Variants in CFAP299 observed in about 807,000 individuals in gnomAD.
The protein encoded by CFAP299 is cilia and flagella associated protein 299.
In CFAP299, 21 loss-of-function variants were observed where a neutral mutation model predicts 27.0. The observed-to-expected ratio is 0.78, with a 90% CI of 0.55 to 1.12. The LOEUF (loss-of-function observed/expected upper bound fraction) is 1.12, where lower values mean the gene tolerates loss of function less well. Among genes scored for constraint, CFAP299 ranks in the 50% most tolerant of loss-of-function variants. The probability of loss-of-function intolerance (pLI) is 0.00; values close to 1 mark genes in which losing one functional copy is unlikely to be tolerated. For missense variants in CFAP299, 310 were observed against 276.6 expected (o/e 1.12, Z -0.86); for synonymous variants, 104 against 98.1 (o/e 1.06, Z -0.36).
At chr4:80,448,901 T>G (rs1190085511) in intron 2 of CFAP299, among the ~76,000 whole-genome samples, 1 of 152,180 alleles carries the variant, frequency 6.6e-6, no homozygotes, top group Non-Finnish European at 1.5e-5. Flanking sequence ...GATGAGGTAG[T>G]TATAGATCTT....
rs141078307 is a variant in CFAP299 at position 80,486,118 on chromosome 4, ATGAC to A, written c.243-96973_243-96970del. 1.8e-3 allele frequency among the ~76,000 whole-genome samples: 270 copies of A among 152,198 alleles called. 2 individuals carry two copies. The East Asian group carries it at 0.026, about 15-fold the overall frequency. ...CTGAAATTCTAACCTAGCCACATGAATGACTATTAAGTTCTGCTTGCTTGGTCTT... is the reference window on the plus strand; with the variant it reads ...CTGAAATTCTAACCTAGCCACATGAATATTAAGTTCTGCTTGCTTGGTCTT... On this transcript the variant is annotated intron_variant, in intron 2 of 5. Transcript: ENST00000358105.
At chr4:80,384,676 T>A (rs1484221876) in intron 2 of CFAP299, among the ~76,000 whole-genome samples, 1 of 152,120 alleles carries the variant, frequency 6.6e-6, no homozygotes, top group Non-Finnish European at 1.5e-5. Context: ...GGAAGGAAAT[T>A]GTTCCGAAAA....
intron 4 of CFAP299, among the ~76,000 whole-genome samples, chr4:80,877,731 A>C (rs902816287): frequency 6.6e-6 from 1 of 152,194 alleles, no homozygotes; most frequent in African/African-American, 2.4e-5. Context: ...GAGTGACATT[A>C]AATACATTCA....
chr4:80,887,422 G>A (rs773801829), intron 4 of CFAP299, among the ~76,000 whole-genome samples: 3 of 151,294 alleles, frequency 2.0e-5, no homozygotes, highest in Non-Finnish European at 2.9e-5. Flanking sequence ...GGATAGAGTG[G>A]TATGACATAT....
intron 2 of CFAP299, among the ~76,000 whole-genome samples, chr4:80,470,285 T>A (rs1193802140): frequency 6.6e-6 from 1 of 152,122 alleles, no homozygotes; most frequent in Non-Finnish European, 1.5e-5. Context: ...AGATGATGTA[T>A]ACAAAATTTT....
chr4:80,682,067 A>T (rs968054276), intron 3 of CFAP299, among the ~76,000 whole-genome samples: 1 of 152,190 alleles, frequency 6.6e-6, no homozygotes, highest in Non-Finnish European at 1.5e-5. Flanking sequence ...TCAGTGGTAT[A>T]TACAGCAAAG....
intron 3 of CFAP299, among the ~76,000 whole-genome samples, chr4:80,683,001 T>C (rs1012882087): frequency 2.6e-5 from 4 of 152,200 alleles, no homozygotes; most frequent in Admixed American, 6.5e-5. Context: ...GTAAGGGTCA[T>C]TGATTAATTG....
At chr4:80,635,360 C>T (rs773378939) in intron 3 of CFAP299, among the ~76,000 whole-genome samples, 53 of 152,236 alleles carry the variant, frequency 3.5e-4, no homozygotes, top group Non-Finnish European at 4.3e-4. Flanking sequence ...ACAAAACCTT[C>T]CTATCACAAA....
At chr4:80,870,308 T>C in intron 4 of CFAP299, 173 bp downstream of exon 4, 1 of 1,255,408 alleles carries the variant, frequency 8.0e-7, no homozygotes, top group Non-Finnish European at 1.0e-6. Flanking sequence ...ATGCATTGTT[T>C]TTCCTTTAAC....
intron 3 of CFAP299, among the ~76,000 whole-genome samples, chr4:80,754,274 T>C (rs1725104902): frequency 6.6e-6 from 1 of 152,188 alleles, no homozygotes; most frequent in African/African-American, 2.4e-5. Flanking sequence ...TTTGTTTCAA[T>C]ATCTGCTCCA....
At chr4:80,594,949 T>C (rs1736985111) in intron 3 of CFAP299, among the ~76,000 whole-genome samples, 1 of 152,194 alleles carries the variant, frequency 6.6e-6, no homozygotes, top group South Asian at 2.1e-4. Context: ...TTTCCATTAG[T>C]CAGAGGCCCT....
chr4:80,515,567 A>G (rs775694186), intron 2 of CFAP299, among the ~76,000 whole-genome samples: 4 of 152,194 alleles, frequency 2.6e-5, no homozygotes, highest in Non-Finnish European at 5.9e-5. Context: ...CAACAATTAA[A>G]ACACAGAATT....
chr4:80,800,960 A>G (rs1728554741), intron 3 of CFAP299, among the ~76,000 whole-genome samples: 1 of 151,266 alleles, frequency 6.6e-6, no homozygotes, highest in Non-Finnish European at 1.5e-5. Context: ...AGAAAGATGT[A>G]GATCAGTCTA....
intron 3 of CFAP299, among the ~76,000 whole-genome samples, chr4:80,591,913 G>A (rs776859582): frequency 6.6e-6 from 1 of 152,156 alleles, no homozygotes; most frequent in Non-Finnish European, 1.5e-5. Context: ...AACAAAGAGA[G>A]AATAATCATT....
chr4:80,711,224 G>C (rs13114016), intron 3 of CFAP299, among the ~76,000 whole-genome samples: 4 of 152,186 alleles, frequency 2.6e-5, no homozygotes, highest in African/African-American at 9.7e-5. Context: ...AAGCAGGGGA[G>C]AGCCGGCTGT....
intron 1 of CFAP299, chr4:80,336,788 C>G (rs1271393881): frequency 6.6e-6 from 1 of 152,268 alleles, no homozygotes; most frequent in Non-Finnish European, 1.5e-5. Flanking sequence ...CCAGAAATGC[C>G]TTATCCCTAT....
chr4:80,469,775 G>A (rs1049833140), intron 2 of CFAP299, among the ~76,000 whole-genome samples: 1 of 151,708 alleles, frequency 6.6e-6, no homozygotes, highest in African/African-American at 2.4e-5. Context: ...TAAGATTCTC[G>A]GGGCTGAATT....
intron 4 of CFAP299, among the ~76,000 whole-genome samples, chr4:80,930,883 A>G (rs750927460): frequency 6.6e-6 from 1 of 151,914 alleles, no homozygotes; most frequent in African/African-American, 2.4e-5. Context: ...CTAGGGTTCA[A>G]CTGCAGCATT....
chr4:80,554,261 CTTAT>C (rs2110213063), intron 2 of CFAP299, among the ~76,000 whole-genome samples: 1 of 152,194 alleles, frequency 6.6e-6, no homozygotes, highest in African/African-American at 2.4e-5. Flanking sequence ...TTCCCCATTG[CTTAT>C]TTTTGTCAGG....
Sources: allele counts gnomAD v4.1 joint callset (sites outside exome capture counted in the v4.1 genomes callset), GRCh38; gene constraint gnomAD v4.1.1; transcripts MANE v1.5; gene names NCBI Gene and HGNC (gene_info 2026-07-23, HGNC 2026-07-21).